Variants in OPCML observed in about 807,000 individuals in gnomAD.
OPCML encodes opioid binding protein/cell adhesion molecule like, also known as opioid-binding protein/cell adhesion molecule.
Under a neutral mutation model 37.8 loss-of-function variants are expected in OPCML, and 13 were observed. The ratio of observed to expected loss-of-function variants is 0.34; its 90% CI spans 0.22 to 0.55. The LOEUF (loss-of-function observed/expected upper bound fraction) is 0.55, where lower values mean the gene tolerates loss of function less well. Ranked by LOEUF, OPCML falls within the 20% of genes least tolerant of loss-of-function variation. The pLI is 0.91. For missense variants in OPCML, 341 were observed against 435.6 expected (o/e 0.78, Z 1.93); for synonymous variants, 176 against 168.8 (o/e 1.04, Z -0.33).
chr11:132,616,235 G>T (rs1410623130), intron 3 of OPCML, among the ~76,000 whole-genome samples: 1 of 152,186 alleles, frequency 6.6e-6, no homozygotes, highest in African/African-American at 2.4e-5. Flanking sequence ...GTAAAAGGAA[G>T]CTCACCTACT....
At chr11:132,459,741 TAAAA>T (rs34228447) in intron 4 of OPCML, among the ~76,000 whole-genome samples, 2 of 150,976 alleles carry the variant, frequency 1.3e-5, no homozygotes, top group Non-Finnish European at 3.0e-5. Flanking sequence ...ATACGAAAGT[TAAAA>T]AAAAAATCAC....
chr11:132,424,591 G>A (rs113829203), intron 7 of OPCML, among the ~76,000 whole-genome samples: 1,635 of 152,266 alleles, frequency 0.011, 26 homozygotes, highest in African/African-American at 0.037. Flanking sequence ...CCCGGGGTAA[G>A]GTCGCTGACC....
chr11:133,085,233 G>A (rs544898311), intron 1 of OPCML, among the ~76,000 whole-genome samples: 20 of 152,208 alleles, frequency 1.3e-4, no homozygotes, highest in Non-Finnish European at 2.2e-4. Context: ...GGGCTCCACA[G>A]TAGAACTACA....
intron 1 of OPCML, among the ~76,000 whole-genome samples, chr11:133,042,263 T>G (rs1267263715): frequency 6.6e-6 from 1 of 152,178 alleles, no homozygotes; most frequent in Non-Finnish European, 1.5e-5. Flanking sequence ...CCAGAATTAA[T>G]TAGAAAGGGT....
intron 1 of OPCML, among the ~76,000 whole-genome samples, chr11:132,992,423 GACC>G (rs1437802997): frequency 1.3e-5 from 2 of 151,954 alleles, no homozygotes; most frequent in Non-Finnish European, 2.9e-5. Context: ...TTTATTCATT[GACC>G]ACATTTCATT....
chr11:133,348,320 T>C (rs899691889), intron 1 of OPCML, among the ~76,000 whole-genome samples: 1 of 152,200 alleles, frequency 6.6e-6, no homozygotes, highest in African/African-American at 2.4e-5. Context: ...GCAAGGACTG[T>C]GCCTAATTCA....
Position 132,946,796 on chromosome 11 carries a change from C to T in OPCML, c.62-3786G>A, listed in dbSNP as rs368654377. Among the ~76,000 whole-genome samples the T allele has an allele frequency of 1.5e-4, 23 of 152,298 alleles. No individual in the cohort carries two copies. In the East Asian group the frequency reaches 4.1e-3, roughly 27 times the overall value. ...GCCCCACAACCTATTTTGGGATTTCCTACTAGCTTTCATGACACATGTCTT... is the reference window on the plus strand; with the variant it reads ...GCCCCACAACCTATTTTGGGATTTCTTACTAGCTTTCATGACACATGTCTT... On this transcript the variant is annotated intron_variant, in intron 1 of 7. Transcript: ENST00000524381.
At chr11:133,267,704 G>A (rs935588563) in intron 1 of OPCML, among the ~76,000 whole-genome samples, 40 of 152,158 alleles carry the variant, frequency 2.6e-4, no homozygotes, top group East Asian at 1.2e-3. Flanking sequence ...CCCATGTGTC[G>A]TGGGAGGGAC....
intron 2 of OPCML, among the ~76,000 whole-genome samples, chr11:132,932,640 G>T (rs970852932): frequency 1.3e-4 from 19 of 149,374 alleles, no homozygotes; most frequent in African/African-American, 4.7e-4. Context: ...AGTGCTGGTG[G>T]GTACCCAATA....
At chr11:132,441,415 G>A (rs975521457) in intron 4 of OPCML, among the ~76,000 whole-genome samples, 5 of 151,778 alleles carry the variant, frequency 3.3e-5, no homozygotes, top group Middle Eastern at 6.3e-3. Context: ...TGATCCGCCC[G>A]CCTCGGCCTC....
At chr11:133,434,549 T>C (rs1946191755) in intron 1 of OPCML, among the ~76,000 whole-genome samples, 1 of 152,028 alleles carries the variant, frequency 6.6e-6, no homozygotes, top group African/African-American at 2.4e-5. Flanking sequence ...ACTCCATGGC[T>C]GAAGTTCAGA....
chr11:132,590,590 C>T (rs147850158), intron 3 of OPCML, among the ~76,000 whole-genome samples: 2 of 152,290 alleles, frequency 1.3e-5, no homozygotes, highest in South Asian at 2.1e-4. Context: ...GTAAAATTCA[C>T]GTTTTACAGA....
intron 3 of OPCML, among the ~76,000 whole-genome samples, chr11:132,615,241 G>A (rs1234719837): frequency 2.6e-5 from 4 of 152,176 alleles, no homozygotes; most frequent in Admixed American, 1.3e-4. Flanking sequence ...TGTGGTCTCC[G>A]AGTGAATTAT....
chr11:132,774,558 G>A (rs1946749484), intron 2 of OPCML, among the ~76,000 whole-genome samples: 1 of 152,164 alleles, frequency 6.6e-6, no homozygotes, highest in Non-Finnish European at 1.5e-5. Context: ...TGCTTGCAAA[G>A]TGGTGCTAAG....
chr11:132,507,418 C>T (rs1182466413), intron 4 of OPCML, among the ~76,000 whole-genome samples: 1 of 151,848 alleles, frequency 6.6e-6, no homozygotes, highest in Admixed American at 6.6e-5. Context: ...TTATATATAA[C>T]TATAGGTATA....
chr11:133,012,526 G>C (rs763490056), intron 1 of OPCML, among the ~76,000 whole-genome samples: 12 of 152,160 alleles, frequency 7.9e-5, no homozygotes, highest in Non-Finnish European at 1.8e-4. Context: ...TCAACTCATA[G>C]TTTAGATTAG....
rs1301893070 is a variant in OPCML, at chr11:133,140,949, CGAAGAAGAA to C, written c.62-197948_62-197940del. On this transcript the variant is annotated intron_variant, in intron 1 of 7. Coordinates refer to ENST00000524381, the MANE Select transcript of OPCML (RefSeq NM_001012393.5). ...ACGACGACGAAGAAGAAGAAGACGA[CGAAGAAGAA>C]GAAGAAGAAGAAGAAGAAGAAGAAG... Among the ~76,000 whole-genome samples, 15 of 2,914 alleles carry C rather than the reference CGAAGAAGAA, an allele frequency of 5.1e-3. 3 individuals carry two copies. Among genetic ancestry groups the C allele is most frequent in the African/African-American group, 9.4e-3 (13 of 1,378 alleles). 1.9% of individuals were successfully genotyped at this position (2,914 alleles called of 152,430 possible).
intron 2 of OPCML, among the ~76,000 whole-genome samples, chr11:132,823,454 C>A (rs1187713392): frequency 6.6e-6 from 1 of 152,128 alleles, no homozygotes; most frequent in African/African-American, 2.4e-5. Context: ...AGATTCCAAC[C>A]CTCTTGCCTG....
chr11:133,300,126 A>G (rs764257844), intron 1 of OPCML: 2 of 152,228 alleles, frequency 1.3e-5, no homozygotes, highest in Non-Finnish European at 2.9e-5. Flanking sequence ...GAACTTAGGA[A>G]GAGTTCAGAA....
Sources: allele counts gnomAD v4.1 joint callset (sites outside exome capture counted in the v4.1 genomes callset), GRCh38; gene constraint gnomAD v4.1.1; transcripts MANE v1.5; gene names NCBI Gene and HGNC (gene_info 2026-07-23, HGNC 2026-07-21).